Variants in PALM2AKAP2 observed in about 807,000 individuals in gnomAD.
PALM2AKAP2 encodes the protein PALM2-AKAP2 fusion protein.
In PALM2AKAP2, 37 loss-of-function variants were observed where a neutral mutation model predicts 71.5. The ratio of observed to expected loss-of-function variants is 0.52; its 90% CI spans 0.40 to 0.68. The LOEUF is 0.68. Among genes scored for constraint, PALM2AKAP2 ranks in the 30% least tolerant of loss-of-function variants. The pLI, the probability that PALM2AKAP2 is intolerant of heterozygous loss-of-function variation, is 0.00. For synonymous variants in PALM2AKAP2, 468 were observed against 478.8 expected, an observed-to-expected ratio of 0.98 and a Z score of 0.29; for missense variants, 1,224 against 1,191.8, an observed-to-expected ratio of 1.03 and a Z score of -0.40.
At chr9:110,121,861 A>G (rs1007166052) in intron 1 of PALM2AKAP2, among the ~76,000 whole-genome samples, 2 of 152,126 alleles carry the variant, frequency 1.3e-5, no homozygotes, top group African/African-American at 4.8e-5. Context: ...GACTCTGCCC[A>G]CTCAAAATGA....
rs544725195 is a variant in PALM2AKAP2, at chr9:109,979,125, T to G, written c.497-36829T>G. Among the ~76,000 whole-genome samples the G allele has an allele frequency of 3.3e-5, 5 of 152,218 alleles. No homozygotes were observed. The South Asian group carries it at 1.0e-3, about 32-fold the overall frequency. On this transcript the variant is annotated intron_variant, in intron 6 of 9. Coordinates refer to the PALM2AKAP2 transcript ENST00000302798. ...TTCCCACCTCAACCTCCAGAGTAGC[T>G]AGGACTACAGGCACGCACCACCATG...
intron 5 of PALM2AKAP2, among the ~76,000 whole-genome samples, chr9:109,928,671 C>G (rs1831012562): frequency 6.8e-6 from 1 of 147,062 alleles, no homozygotes; most frequent in South Asian, 2.2e-4. Context: ...CTTTCTCTCG[C>G]TCTCTTTTTT....
At chr9:109,864,719 T>C (rs530592510) in intron 1 of PALM2AKAP2, among the ~76,000 whole-genome samples, 76 of 152,346 alleles carry the variant, frequency 5.0e-4, no homozygotes, top group South Asian at 2.5e-3. Flanking sequence ...CGACAGAGAC[T>C]GTATGTCCCA....
chr9:109,981,416 T>C (rs1372833375), intron 6 of PALM2AKAP2, among the ~76,000 whole-genome samples: 1 of 152,184 alleles, frequency 6.6e-6, no homozygotes, highest in African/African-American at 2.4e-5. Flanking sequence ...AGTAGCGGAA[T>C]GAAAGCAGCT....
chr9:109,868,750 GAT>G (rs1275037823), intron 2 of PALM2AKAP2, among the ~76,000 whole-genome samples: 3 of 152,328 alleles, frequency 2.0e-5, no homozygotes, highest in African/African-American at 7.2e-5. Flanking sequence ...AAAGCAGCAT[GAT>G]ACTAAGGATA....
At chr9:109,829,104 A>G (rs1163645218) in intron 1 of PALM2AKAP2, among the ~76,000 whole-genome samples, 1 of 152,200 alleles carries the variant, frequency 6.6e-6, no homozygotes. Flanking sequence ...CAGAGGAAAT[A>G]TTGTTTACTT....
At chr9:110,020,360 G>T (rs1459360060) in intron 7 of PALM2AKAP2, among the ~76,000 whole-genome samples, 1 of 152,122 alleles carries the variant, frequency 6.6e-6, no homozygotes, top group Admixed American at 6.6e-5. Flanking sequence ...CATGCTTCCT[G>T]TTAAGCTTGT....
intron 1 of PALM2AKAP2, among the ~76,000 whole-genome samples, chr9:110,079,848 A>G (rs1834405689): frequency 6.6e-6 from 1 of 151,826 alleles, no homozygotes; most frequent in African/African-American, 2.4e-5. Context: ...GGCGTGCAGA[A>G]AACCTGAGGT....
intron 1 of PALM2AKAP2, among the ~76,000 whole-genome samples, chr9:110,112,343 G>A (rs1040030904): frequency 6.6e-6 from 1 of 152,138 alleles, no homozygotes. Flanking sequence ...TCTCAACTGT[G>A]CCCCTCCTTG....
At chr9:109,785,323 A>G (rs1428815592) in intron 1 of PALM2AKAP2, among the ~76,000 whole-genome samples, 1 of 152,236 alleles carries the variant, frequency 6.6e-6, no homozygotes, top group African/African-American at 2.4e-5. Context: ...AAAACCTTGT[A>G]TATGCTACCT....
At chr9:110,170,681 C>T (rs1836839295) in exon 4 of PALM2AKAP2, 1 of 151,938 alleles carries the variant, frequency 6.6e-6, no homozygotes, top group Non-Finnish European at 1.5e-5. Context: ...ATCCCTGTTG[C>T]AAGAAATTCA....
chr9:110,157,312 A>G (rs1181905304), intron 3 of PALM2AKAP2, among the ~76,000 whole-genome samples: 1 of 152,126 alleles, frequency 6.6e-6, no homozygotes, highest in Non-Finnish European at 1.5e-5. Context: ...TTGGTTGAGG[A>G]TCCTACTGAG....
chr9:109,849,622 G>A (rs1419894779), intron 1 of PALM2AKAP2, among the ~76,000 whole-genome samples: 1 of 152,084 alleles, frequency 6.6e-6, no homozygotes, highest in Non-Finnish European at 1.5e-5. Context: ...CAGGCATGGT[G>A]GCGTGCACCT....
chr9:109,730,054 AC>A (rs1290405425), intron 1 of PALM2AKAP2, among the ~76,000 whole-genome samples: 1 of 152,216 alleles, frequency 6.6e-6, no homozygotes, highest in Non-Finnish European at 1.5e-5. Context: ...TCTTGAGGAG[AC>A]AGAAGTTACC....
intron 2 of PALM2AKAP2, among the ~76,000 whole-genome samples, chr9:110,152,759 T>C (rs1261714509): frequency 1.3e-5 from 2 of 152,218 alleles, no homozygotes; most frequent in Non-Finnish European, 2.9e-5. Context: ...AACAGGTTTC[T>C]CTCCAGCCTT....
intron 1 of PALM2AKAP2, among the ~76,000 whole-genome samples, chr9:109,692,675 G>A (rs1221445685): frequency 1.3e-5 from 2 of 151,798 alleles, no homozygotes; most frequent in Non-Finnish European, 2.9e-5. Context: ...TGGTTTTTCT[G>A]CACCTGTTGG....
At chr9:109,806,568 T>C (rs1827578074) in intron 1 of PALM2AKAP2, among the ~76,000 whole-genome samples, 1 of 152,198 alleles carries the variant, frequency 6.6e-6, no homozygotes, top group South Asian at 2.1e-4. Context: ...GGGGGATACC[T>C]TCATAGAATG....
chr9:109,642,565 A>C (rs1048144912), intron 1 of PALM2AKAP2, among the ~76,000 whole-genome samples: 3 of 150,856 alleles, frequency 2.0e-5, no homozygotes, highest in Non-Finnish European at 3.0e-5. Flanking sequence ...GCACCAAGCT[A>C]TTCTTCATTT....
chr9:110,166,078 G>A (rs1470189907), intron 3 of PALM2AKAP2, among the ~76,000 whole-genome samples: 3 of 152,096 alleles, frequency 2.0e-5, no homozygotes, highest in Non-Finnish European at 4.4e-5. Context: ...TTTATAAAAC[G>A]CCCTATTTGT....
Sources: gnomAD v4.1 joint callset for allele counts (sites outside exome capture counted in the v4.1 genomes callset) on GRCh38, gnomAD v4.1.1 for gene constraint, MANE v1.5 for transcripts, NCBI Gene and HGNC (gene_info 2026-07-23, HGNC 2026-07-21) for gene names.